SCML2: variants seen among roughly 807,000 people sequenced by gnomAD.
The protein encoded by SCML2 is sex comb on midleg-like protein 2.
A neutral mutation model predicts 48.4 loss-of-function variants in SCML2; 6 were observed. The ratio of observed to expected loss-of-function variants is 0.12; its 90% CI spans 0.07 to 0.24. The LOEUF is 0.24. Among genes scored for constraint, SCML2 ranks in the 10% least tolerant of loss-of-function variants. SCML2 has a pLI of 1.00. For synonymous variants in SCML2, 181 were observed against 189.5 expected (o/e 0.95, Z 0.37); for missense variants, 377 against 528.2 (o/e 0.71, Z 2.81).
At chrX:18,348,825 G>C (rs1930282725) in intron 1 of SCML2, among the ~76,000 whole-genome samples, 2 of 111,690 alleles carry the variant, frequency 1.8e-5, no homozygotes, top group African/African-American at 3.3e-5. Flanking sequence ...AAGAGGAAGA[G>C]AACTGAAAAG....
In SCML2 at chrX:18,291,359, G is replaced by GT. The variant is rs764503937; in HGVS notation, c.730+13612dup. The stretch of plus-strand genomic sequence containing the variant: ...ACAGCTTGCTGAATTTTCTATCCAA[G>GT]TAAGTTTCTCAGTGATTTTTTTCTA... On this transcript the variant is annotated intron_variant, in intron 7 of 14. Transcript: ENST00000251900. Among the ~76,000 whole-genome samples the GT allele has an allele frequency of 3.6e-5, 4 of 112,000 alleles. No individual in the cohort carries two copies. The South Asian group carries it at 1.5e-3, about 42-fold the overall frequency.
rs142806560 is a variant in SCML2, at chrX:18,291,138, C to T, written c.730+13834G>A. ...CCTCGTTTTCATTTGCGTGATTCAG[C>T]CTTCTGCAAGTTGCCAAGGACACAG... On this transcript the variant is annotated intron_variant, in intron 7 of 14. Transcript: ENST00000251900. Among the ~76,000 whole-genome samples the T allele has an allele frequency of 8.3e-3, 923 of 111,814 alleles. 9 individuals carry two copies. The highest frequency in any genetic ancestry group is 0.027 in the African/African-American group (842 of 30,827).
At chrX:18,259,384 A>G (rs1345499651) in intron 9 of SCML2, among the ~76,000 whole-genome samples, 1 of 112,071 alleles carries the variant, frequency 8.9e-6, no homozygotes, top group Non-Finnish European at 1.9e-5. Flanking sequence ...AAACTTTCAC[A>G]CACACATAGT....
intron 1 of SCML2, among the ~76,000 whole-genome samples, chrX:18,334,793 T>C (rs1050167739): frequency 8.9e-6 from 1 of 112,001 alleles, no homozygotes; most frequent in African/African-American, 3.2e-5. Flanking sequence ...TAAAAAAATA[T>C]GTACATGGAT....
intron 1 of SCML2, among the ~76,000 whole-genome samples, chrX:18,338,952 G>C (rs1929928223): frequency 9.3e-6 from 1 of 107,140 alleles, no homozygotes; most frequent in South Asian, 4.3e-4. Flanking sequence ...AAGAAAATGA[G>C]GCAGTGTAGG....
chrX:18,250,626 A>C (rs749965560), intron 11 of SCML2, among the ~76,000 whole-genome samples: 1 of 110,011 alleles, frequency 9.1e-6, no homozygotes, highest in South Asian at 4.0e-4. Context: ...CTTGTGATCC[A>C]CCCACCTCGG....
intron 3 of SCML2, among the ~76,000 whole-genome samples, chrX:18,327,351 C>G (rs903958684): frequency 2.7e-5 from 3 of 111,339 alleles, no homozygotes; most frequent in African/African-American, 9.8e-5. Context: ...GCCTGGGCAA[C>G]CAGGGGGAGA....
At chrX:18,340,478 C>T (rs972907673) in intron 1 of SCML2, among the ~76,000 whole-genome samples, 1 of 111,949 alleles carries the variant, frequency 8.9e-6, no homozygotes, top group African/African-American at 3.2e-5. Flanking sequence ...AAGATTGACG[C>T]TCAGGACAGA....
chrX:18,285,780 T>C (rs954385527), intron 7 of SCML2, among the ~76,000 whole-genome samples: 1 of 111,952 alleles, frequency 8.9e-6, no homozygotes, highest in Non-Finnish European at 1.9e-5. Flanking sequence ...TAAGAAAAAC[T>C]ATTGCACCAA....
At chrX:18,310,774 T>C (rs1387762409) in intron 6 of SCML2, among the ~76,000 whole-genome samples, 2 of 110,242 alleles carry the variant, frequency 1.8e-5, no homozygotes, top group Admixed American at 9.8e-5. Flanking sequence ...CTTGATTACC[T>C]ACAATATGGT....
At chrX:18,257,854 C>T in intron 10 of SCML2, among the ~76,000 whole-genome samples, 190 bp downstream of exon 10, 1 of 99,813 alleles carries the variant, frequency 1.0e-5, no homozygotes, top group East Asian at 3.3e-4. Flanking sequence ...CACCACTGCA[C>T]TCCAGCCTGG....
At chrX:18,318,766 T>C (rs1313379647) in intron 6 of SCML2, among the ~76,000 whole-genome samples, 1 of 111,923 alleles carries the variant, frequency 8.9e-6, no homozygotes, top group African/African-American at 3.3e-5. Context: ...GCACTCTTTT[T>C]ATATCTACAG....
chrX:18,347,407 T>G (rs1930231964), intron 1 of SCML2, among the ~76,000 whole-genome samples: 1 of 107,524 alleles, frequency 9.3e-6, no homozygotes, highest in South Asian at 4.2e-4. Flanking sequence ...ATAGTGCCAT[T>G]GCACCCCAGC....
chrX:18,291,056 T>G (rs1928216450), intron 7 of SCML2, among the ~76,000 whole-genome samples: 1 of 111,963 alleles, frequency 8.9e-6, no homozygotes, highest in African/African-American at 3.2e-5. Flanking sequence ...GGGGAGCACG[T>G]TGAAAACGGA....
At chrX:18,264,431 TTG>T (rs149069692) in intron 8 of SCML2, among the ~76,000 whole-genome samples, 8,713 of 83,506 alleles carry the variant, frequency 0.1, 355 homozygotes, top group African/African-American at 0.15. Context: ...ATCAGTACGA[TTG>T]TGTGTGTGTG....
intron 7 of SCML2, among the ~76,000 whole-genome samples, chrX:18,278,860 C>G (rs1481608528): frequency 8.8e-6 from 1 of 113,021 alleles, no homozygotes; most frequent in Admixed American, 9.3e-5. Context: ...CAGCTGAGAT[C>G]TGTGGCTGCC....
At chrX:18,322,843 G>A (rs996715510) in intron 5 of SCML2, among the ~76,000 whole-genome samples, 1 of 109,524 alleles carries the variant, frequency 9.1e-6, no homozygotes, top group Middle Eastern at 4.7e-3. Context: ...GCAGTGAGCC[G>A]AGATCACACC....
At chrX:18,345,757 C>T (rs1930178693) in intron 1 of SCML2, among the ~76,000 whole-genome samples, 7 of 109,339 alleles carry the variant, frequency 6.4e-5, no homozygotes, top group Admixed American at 3.0e-4. Context: ...CACTCTGTTG[C>T]CCAGGCTGGA....
intron 7 of SCML2, among the ~76,000 whole-genome samples, chrX:18,304,118 C>A (rs1443564600): frequency 3.6e-5 from 4 of 111,798 alleles, no homozygotes; most frequent in Admixed American, 1.9e-4. Flanking sequence ...CAGCTCACTG[C>A]AACCTCCACC....
Sources: gnomAD v4.1 joint callset for allele counts (sites outside exome capture counted in the v4.1 genomes callset) on GRCh38, gnomAD v4.1.1 for gene constraint, MANE v1.5 for transcripts, NCBI Gene and HGNC (gene_info 2026-07-23, HGNC 2026-07-21) for gene names.